The following BRIP1 variants were observed in gnomAD, a reference collection of about 807,000 sequenced individuals.
BRIP1 encodes BRCA1 interacting DNA helicase 1.
Under a neutral mutation model 119.7 loss-of-function variants are expected in BRIP1, and 88 were observed. The observed-to-expected ratio is 0.74, with a 90% CI of 0.62 to 0.88. The LOEUF (loss-of-function observed/expected upper bound fraction) is 0.88, where lower values mean the gene tolerates loss of function less well. Among genes scored for constraint, BRIP1 ranks in the 40% least tolerant of loss-of-function variants. The pLI is 0.00. For synonymous variants in BRIP1, 443 were observed against 496.5 expected (o/e 0.89, Z 1.43); for missense variants, 1,259 against 1,455.4 (o/e 0.87, Z 2.20).
rs1403485561 is a variant in BRIP1 at position 61,796,812 on chromosome 17, T to C, written c.1340+2288A>G. 2.0e-5 allele frequency among the ~76,000 whole-genome samples: 3 copies of C among 151,984 alleles called. No homozygotes were observed. Among genetic ancestry groups the C allele is most frequent in the Non-Finnish European group, 4.4e-5 (3 of 67,958 alleles). On this transcript the variant is annotated intron_variant, in intron 9 of 19. Transcript: ENST00000259008. The surrounding 1 kb of genome is among the most constrained non-coding windows in gnomAD (Gnocchi z 4.8). Reference sequence around the variant, plus strand: ...TATAATATCCTTGTTGAGAGAAGACTGTAGGATGATAGATATGAACAATCA... The same window carrying C: ...TATAATATCCTTGTTGAGAGAAGACCGTAGGATGATAGATATGAACAATCA...
chr17:61,703,050 G>C lies in BRIP1; in HGVS notation c.2493-9538C>G, dbSNP rs543196881. On this transcript the variant is annotated intron_variant, in intron 17 of 19. Transcript: ENST00000259008. The surrounding 1 kb of genome is among the most constrained non-coding windows in gnomAD (Gnocchi z 5.0). Reference sequence around the variant, plus strand: ...AGATGTTATCTCATTGTGTATGTATGTGTTTTTTTGTTTTTGTTTGTTTGT... The same window carrying C: ...AGATGTTATCTCATTGTGTATGTATCTGTTTTTTTGTTTTTGTTTGTTTGT... Among the ~76,000 whole-genome samples, 13 of 147,446 alleles carry C rather than the reference G, an allele frequency of 8.8e-5. No individual in the cohort carries two copies. Among genetic ancestry groups the C allele is most frequent in the Non-Finnish European group, 1.5e-4 (10 of 66,984 alleles).
rs1567788950 is a variant in BRIP1, at chr17:61,753,258, TA to T, written c.2098-8668del. Among the ~76,000 whole-genome samples the T allele has an allele frequency of 6.6e-6, 1 of 152,146 alleles. No homozygotes were observed. The highest frequency in any genetic ancestry group is 2.4e-5 in the African/African-American group (1 of 41,440). ...TCTCAGCCTCTGTAACTGCAAGAAA[TA>T]AATTCCTTTTAAAAAATAAATCACC... On this transcript the variant is annotated intron_variant, in intron 14 of 19. Coordinates refer to ENST00000259008, the MANE Select transcript of BRIP1 (RefSeq NM_032043.3). The surrounding 1 kb of genome is among the most constrained non-coding windows in gnomAD (Gnocchi z 4.6).
chr17:61,841,641 C>T lies in BRIP1; in HGVS notation c.627+5460G>A, dbSNP rs1202915385. ...ACATTACGGAAAACAGCAATGGAGG[C>T]TTCTCAAAAACCTAAAAATATTACT... On this transcript the variant is annotated intron_variant, in intron 6 of 19. Transcript: ENST00000259008. This position sits in a 1 kb window ranked among gnomAD's most constrained non-coding sequence, Gnocchi z 4.1. 1.3e-5 allele frequency among the ~76,000 whole-genome samples: 2 copies of T among 152,076 alleles called. No individual in the cohort carries two copies. Among genetic ancestry groups the T allele is most frequent in the Non-Finnish European group, 2.9e-5 (2 of 68,010 alleles).
intron 17 of BRIP1, among the ~76,000 whole-genome samples, chr17:61,711,686 T>A (rs976109782): frequency 6.6e-5 from 10 of 151,936 alleles, no homozygotes; most frequent in Admixed American, 3.9e-4. Context: ...CTGGCCAACA[T>A]AGCGAAACCC....
Position 61,828,480 on chromosome 17 carries a change from A to G in BRIP1, c.627+18621T>C, listed in dbSNP as rs2078442171. Among the ~76,000 whole-genome samples, 1 of 152,220 alleles carries G rather than the reference A, an allele frequency of 6.6e-6. No individual in the cohort carries two copies. The highest frequency in any genetic ancestry group is 1.5e-5 in the Non-Finnish European group (1 of 68,042). On this transcript the variant is annotated intron_variant, in intron 6 of 19. Transcript: ENST00000259008. The surrounding 1 kb of genome is among the most constrained non-coding windows in gnomAD (Gnocchi z 4.1). Reference sequence around the variant, plus strand: ...AGATGAAAAGGTTCTGGCACTAGATAATAGTATATAAATATGCATAATACC... The same window carrying G: ...AGATGAAAAGGTTCTGGCACTAGATGATAGTATATAAATATGCATAATACC...
Position 61,745,306 on chromosome 17 carries a change from G to A in BRIP1, c.2098-715C>T, listed in dbSNP as rs2077044554. 6.6e-6 allele frequency among the ~76,000 whole-genome samples: 1 copy of A among 152,160 alleles called. No homozygotes were observed. Among genetic ancestry groups the A allele is most frequent in the Non-Finnish European group, 1.5e-5 (1 of 68,028 alleles). ...ATATTTCAACAGTTATGCCATGGTA[G>A]ATTAAAAGTCAATAATATAAAGTCA... On this transcript the variant is annotated intron_variant, in intron 14 of 19. Transcript: ENST00000259008. The surrounding 1 kb of genome is among the most constrained non-coding windows in gnomAD (Gnocchi z 4.4).
intron 16 of BRIP1, among the ~76,000 whole-genome samples, chr17:61,733,753 G>A (rs189718604): frequency 3.9e-5 from 6 of 151,946 alleles, no homozygotes; most frequent in South Asian, 2.1e-4. Flanking sequence ...ATCACTATGC[G>A]AATTTTAAAT....
Position 61,745,560 on chromosome 17 carries a change from G to A in BRIP1, c.2098-969C>T, listed in dbSNP as rs547899331. 4.6e-5 allele frequency among the ~76,000 whole-genome samples: 7 copies of A among 152,158 alleles called. No homozygotes were observed. Among genetic ancestry groups the A allele is most frequent in the Non-Finnish European group, 7.3e-5 (5 of 68,032 alleles). On this transcript the variant is annotated intron_variant, in intron 14 of 19. Coordinates refer to ENST00000259008, the MANE Select transcript of BRIP1 (RefSeq NM_032043.3). The surrounding 1 kb of genome is among the most constrained non-coding windows in gnomAD (Gnocchi z 4.4). ...ATTTTTATATTTTGTGTAGAGATGAGATCCTGCTTTGTTGCCCAGGCTAGT... is the reference window on the plus strand; with the variant it reads ...ATTTTTATATTTTGTGTAGAGATGAAATCCTGCTTTGTTGCCCAGGCTAGT...
chr17:61,688,085 GGCTTTTCAAGGA>G (rs1450697485), intron 18 of BRIP1, among the ~76,000 whole-genome samples: 1 of 152,268 alleles, frequency 6.6e-6, no homozygotes, highest in East Asian at 1.9e-4. Flanking sequence ...CCAACATCTT[GGCTTTTCAAGGA>G]GCTGTCTAGG....
At position 61,793,741 on chromosome 17, in the gene BRIP1, TAAAAC is replaced by T. The variant is rs2077857551; in HGVS notation, c.1341-17_1341-13del. ...TTGCTTCTAACCAACTGAAATAAAA[TAAAAC>T]AATTGTGTCAACCAGTATCATCCTT... is the stretch of plus-strand genomic sequence containing the variant. On this transcript the variant is annotated splice_polypyrimidine_tract_variant and intron_variant, in intron 9 of 19. Coordinates refer to ENST00000259008, the MANE Select transcript of BRIP1 (RefSeq NM_032043.3). The surrounding 1 kb of genome is among the most constrained non-coding windows in gnomAD (Gnocchi z 5.2). 5 of 1,606,900 alleles carry T rather than the reference TAAAAC, an allele frequency of 3.1e-6. No homozygotes were observed. Among genetic ancestry groups the T allele is most frequent in the East Asian group, 2.2e-5 (1 of 44,680 alleles).
intron 16 of BRIP1, among the ~76,000 whole-genome samples, chr17:61,723,636 G>C (rs943081356): frequency 6.6e-6 from 1 of 152,098 alleles, no homozygotes; most frequent in Non-Finnish European, 1.5e-5. Context: ...GTGTGGTTTG[G>C]GAAGATGATC....
intron 6 of BRIP1, among the ~76,000 whole-genome samples, chr17:61,821,893 C>G (rs573348083): frequency 6.6e-6 from 1 of 152,142 alleles, no homozygotes; most frequent in East Asian, 1.9e-4. Context: ...ATCAGGCCAC[C>G]ATTTCATTCT....
chr17:61,748,998 A>G lies in BRIP1; in HGVS notation c.2098-4407T>C, dbSNP rs573810727. The stretch of plus-strand genomic sequence containing the variant: ...TAAAAATACAAAAAATTAGCCGGGC[A>G]TGGTGGCGCACGCCTGTAGTCCCAG... On this transcript the variant is annotated intron_variant, in intron 14 of 19. Transcript: ENST00000259008. The surrounding 1 kb of genome is among the most constrained non-coding windows in gnomAD (Gnocchi z 4.7). Among the ~76,000 whole-genome samples, 27 of 152,090 alleles carry G rather than the reference A, an allele frequency of 1.8e-4. 1 individual carries two copies. The highest frequency in any genetic ancestry group is 9.8e-4 in the Admixed American group (15 of 15,290).
intron 11 of BRIP1, chr17:61,784,037 A>G (rs1283298988): frequency 7.3e-6 from 3 of 412,288 alleles, no homozygotes; most frequent in Non-Finnish European, 1.3e-5. Flanking sequence ...AGCTGTGATC[A>G]TGCAACTGCA....
In BRIP1 at chr17:61,793,866, TA is replaced by T; in HGVS notation, c.1341-138del. 1.2e-6 allele frequency: 1 copy of T among 839,778 alleles called. No individual in the cohort carries two copies. Among genetic ancestry groups the T allele is most frequent in the Non-Finnish European group, 1.7e-6 (1 of 586,042 alleles). The allele number at this position is 839,778 out of a possible 1,614,324, so 52.0% of individuals were successfully genotyped here. A position where few individuals can be genotyped will look rare whatever the true frequency, so the allele number is the denominator to read the frequency against. ...TCTTAGGACATGAATGTGGATTAATTAAGACACCTTTTAAAAAGCATTCATG... is the reference window on the plus strand; with the variant it reads ...TCTTAGGACATGAATGTGGATTAATTAGACACCTTTTAAAAAGCATTCATG... On this transcript the variant is annotated intron_variant, in intron 9 of 19. Coordinates refer to ENST00000259008, the MANE Select transcript of BRIP1 (RefSeq NM_032043.3). The surrounding 1 kb of genome is among the most constrained non-coding windows in gnomAD (Gnocchi z 5.2).
In BRIP1 at chr17:61,717,014, A is replaced by G. The variant is rs7215717; in HGVS notation, c.2380-951T>C. 0.99 allele frequency among the ~76,000 whole-genome samples: 150,707 copies of G among 152,104 alleles called. 74,674 individuals carry two copies. Among genetic ancestry groups the G allele is most frequent in the East Asian group, 1 (5,180 of 5,180 alleles). On this transcript the variant is annotated intron_variant, in intron 16 of 19. Coordinates refer to ENST00000259008, the MANE Select transcript of BRIP1 (RefSeq NM_032043.3). The surrounding 1 kb of genome is among the most constrained non-coding windows in gnomAD (Gnocchi z 4.1). ...GCTGCCATACATTTTAGTTTTATAC[A>G]TGCTATAAACCCATAAAACATTTTG...
Position 61,806,325 on chromosome 17 carries a change from C to T in BRIP1, c.918+2142G>A, listed in dbSNP as rs569366723. ...TTTGTAATTGCCCTTCATTACAATA[C>T]CAAATTACTAACAGGGCTTGAGAAC... On this transcript the variant is annotated intron_variant, in intron 7 of 19. Coordinates refer to ENST00000259008, the MANE Select transcript of BRIP1 (RefSeq NM_032043.3). The surrounding 1 kb of genome is among the most constrained non-coding windows in gnomAD (Gnocchi z 4.9). Among the ~76,000 whole-genome samples, 3 of 152,118 alleles carry T rather than the reference C, an allele frequency of 2.0e-5. No individual in the cohort carries two copies. The highest frequency in any genetic ancestry group is 7.2e-5 in the African/African-American group (3 of 41,418).
At position 61,805,901 on chromosome 17, in the gene BRIP1, T is replaced by C. The variant is rs1318014349; in HGVS notation, c.918+2566A>G. ...AAGTCTCATTTTAACCAAAAAAAGA[T>C]ATATATCTAAAATAATATTTCAGAA... On this transcript the variant is annotated intron_variant, in intron 7 of 19. Coordinates refer to ENST00000259008, the MANE Select transcript of BRIP1 (RefSeq NM_032043.3). This position sits in a 1 kb window ranked among gnomAD's most constrained non-coding sequence, Gnocchi z 5.6. Among the ~76,000 whole-genome samples, 1 of 152,224 alleles carries C rather than the reference T, an allele frequency of 6.6e-6. No individual in the cohort carries two copies. Among genetic ancestry groups the C allele is most frequent in the Non-Finnish European group, 1.5e-5 (1 of 68,032 alleles).
rs759772578 is a variant in BRIP1, at chr17:61,684,174, C to T, written c.2906-34G>A. ...ACAAGAATTTAAGAGATTTAACTTT[C>T]TGCTCCTAGCTAACATAATTGCTAG... On this transcript the variant is annotated intron_variant, in intron 19 of 19. Coordinates refer to ENST00000259008, the MANE Select transcript of BRIP1 (RefSeq NM_032043.3). This position sits in a 1 kb window ranked among gnomAD's most constrained non-coding sequence, Gnocchi z 4.5. 6.2e-7 allele frequency: 1 copy of T among 1,603,730 alleles called. No individual in the cohort carries two copies. Among genetic ancestry groups the T allele is most frequent in the South Asian group, 1.1e-5 (1 of 89,716 alleles).
Sources: gnomAD v4.1 joint callset for allele counts (sites outside exome capture counted in the v4.1 genomes callset) on GRCh38, gnomAD v4.1.1 for gene constraint, Gnocchi (gnomAD v3.1) non-coding constraint, MANE v1.5 for transcripts, NCBI Gene and HGNC (gene_info 2026-07-23, HGNC 2026-07-21) for gene names.